ABCB5: variants seen among roughly 807,000 people sequenced by gnomAD.
The protein encoded by ABCB5 is ATP-binding cassette sub-family B member 5.
A neutral mutation model predicts 144.2 loss-of-function variants in ABCB5; 155 were observed. The observed-to-expected ratio is 1.08, with a 90% CI of 0.94 to 1.23. The LOEUF (loss-of-function observed/expected upper bound fraction) is 1.23. Among genes scored for constraint, ABCB5 ranks in the 50% most tolerant of loss-of-function variants. The pLI is 0.00. For missense variants in ABCB5, 1,830 were observed against 1,520.8 expected (o/e 1.20, Z -3.38); for synonymous variants, 610 against 528.6 (o/e 1.15, Z -2.11).
chr7:20,628,475 C>T (rs1783959253), intron 3 of ABCB5, among the ~76,000 whole-genome samples: 1 of 151,938 alleles, frequency 6.6e-6, no homozygotes, highest in Admixed American at 6.6e-5. Flanking sequence ...TTTTTAATGC[C>T]TTTAAAGGAG....
At chr7:20,661,681 C>T (rs1371105521) in intron 14 of ABCB5, among the ~76,000 whole-genome samples, 2 of 151,544 alleles carry the variant, frequency 1.3e-5, no homozygotes, top group Admixed American at 6.6e-5. Flanking sequence ...ATTACAGGCA[C>T]GCACCACCAC....
At chr7:20,730,278 G>C (rs1782165253) in intron 23 of ABCB5, among the ~76,000 whole-genome samples, 1 of 152,262 alleles carries the variant, frequency 6.6e-6, no homozygotes, top group African/African-American at 2.4e-5. Context: ...GGGAGTCCAA[G>C]GCAGGTGGAT....
chr7:20,626,854 G>GGTGGGTGTGT (rs1554278227), intron 3 of ABCB5, among the ~76,000 whole-genome samples: 1 of 143,670 alleles, frequency 7.0e-6, no homozygotes, highest in South Asian at 2.3e-4. Context: ...GTGTTTTTGG[G>GGTGGGTGTGT]GTGTGTGTGT....
chr7:20,715,934 G>A (rs1781661826), intron 20 of ABCB5, among the ~76,000 whole-genome samples: 1 of 151,710 alleles, frequency 6.6e-6, no homozygotes, highest in Admixed American at 6.6e-5. Flanking sequence ...TGGTCAGGCT[G>A]GTATCGAACT....
At position 20,728,587 on chromosome 7, in the gene ABCB5, C is replaced by A. The variant is rs1782113126; in HGVS notation, c.2867+132C>A. On this transcript the variant is annotated intron_variant, in intron 23 of 27. Transcript: ENST00000404938. The stretch of plus-strand genomic sequence containing the variant: ...TGACCAACATAATAAAACCCCATCT[C>A]TACTAAAAATACAAAAATTAGCTGG... 3.7e-6 allele frequency: 4 copies of A among 1,079,430 alleles called. No homozygotes were observed. In the South Asian group the frequency reaches 5.8e-5, roughly 16 times the overall value. 66.9% of individuals were successfully genotyped at this position (1,079,430 alleles called of 1,614,324 possible).
intron 5 of ABCB5, among the ~76,000 whole-genome samples, chr7:20,640,312 CTT>C (rs1784267148): frequency 6.6e-6 from 1 of 152,152 alleles, no homozygotes; most frequent in Non-Finnish European, 1.5e-5. Flanking sequence ...TGGTGACAAA[CTT>C]TTCGTCAACC....
rs555593601 is a variant in ABCB5, at chr7:20,699,690, G to C, written c.2155-135G>C. The C allele has an allele frequency of 6.6e-5, 38 of 575,634 alleles. No homozygotes were observed. The East Asian group carries it at 8.5e-4, about 13-fold the overall frequency. 35.7% of individuals were successfully genotyped at this position (575,634 alleles called of 1,614,324 possible). On this transcript the variant is annotated intron_variant, in intron 17 of 27. Coordinates refer to ENST00000404938, the MANE Select transcript of ABCB5 (RefSeq NM_001163941.2). The stretch of plus-strand genomic sequence containing the variant: ...ACACTGCACTCCAGCCTGGGCGACA[G>C]AGCAAGATTCTGTCTCATAAAAGAA...
intron 14 of ABCB5, among the ~76,000 whole-genome samples, chr7:20,663,294 A>T (rs1423112643): frequency 6.6e-6 from 1 of 152,248 alleles, no homozygotes; most frequent in Non-Finnish European, 1.5e-5. Flanking sequence ...TTGGTATACT[A>T]GTGTTCATAG....
In ABCB5 at chr7:20,755,722, C is replaced by A; in HGVS notation, c.*98C>A. Reference sequence around the variant, plus strand: ...CTTTGATCTCTTTTATTGCATATATCAATACCTAGAATCATGCTACTCAAG... The same window carrying A: ...CTTTGATCTCTTTTATTGCATATATAAATACCTAGAATCATGCTACTCAAG... On this transcript the variant is annotated 3_prime_UTR_variant, in exon 28 of 28. Coordinates refer to ENST00000404938, the MANE Select transcript of ABCB5 (RefSeq NM_001163941.2). 9.4e-7 allele frequency: 1 copy of A among 1,067,286 alleles called. No homozygotes were observed. Among genetic ancestry groups the A allele is most frequent in the Non-Finnish European group, 1.4e-6 (1 of 725,676 alleles). 66.1% of individuals were successfully genotyped at this position (1,067,286 alleles called of 1,614,324 possible). A position where few individuals can be genotyped will look rare whatever the true frequency, so the allele number is the denominator to read the frequency against.
At chr7:20,699,319 T>A (rs1021537453) in intron 17 of ABCB5, among the ~76,000 whole-genome samples, 1 of 152,228 alleles carries the variant, frequency 6.6e-6, no homozygotes, top group African/African-American at 2.4e-5. Context: ...AAGCAAGTTA[T>A]TTTTTATCAT....
intron 20 of ABCB5, among the ~76,000 whole-genome samples, chr7:20,720,535 T>TAAGATTCTTACCA (rs71020676): frequency 0.6 from 90,394 of 151,722 alleles, 27,224 homozygotes; most frequent in East Asian, 0.91. Flanking sequence ...ATCACTTCTC[T>TAAGATTCTTACCA]AAGATGCATA....
intron 14 of ABCB5, among the ~76,000 whole-genome samples, chr7:20,673,520 T>C (rs1210273202): frequency 6.6e-6 from 1 of 152,074 alleles, no homozygotes; most frequent in African/African-American, 2.4e-5. Context: ...AATAAACTTA[T>C]TTACTTTGGT....
chr7:20,640,343 C>T (rs1784268375), intron 5 of ABCB5, among the ~76,000 whole-genome samples: 1 of 152,144 alleles, frequency 6.6e-6, no homozygotes, highest in Admixed American at 6.5e-5. Context: ...CACAACCTCA[C>T]TTTATGTGTG....
In ABCB5 at chr7:20,648,030, G is replaced by A; in HGVS notation, c.1158G>A (p.Val386=). 1.9e-6 allele frequency: 3 copies of A among 1,611,828 alleles called. No individual in the cohort carries two copies. Among genetic ancestry groups the A allele is most frequent in the Non-Finnish European group, 8.5e-7 (1 of 1,178,428 alleles). Residue 386 remains valine (V), a synonymous_variant, in exon 11 of 28, where the codon GTG becomes GTA. Coordinates refer to ENST00000404938, the MANE Select transcript of ABCB5 (RefSeq NM_001163941.2). Reference sequence around the variant, plus strand: ...AACCTGAATCCATAGAAGGAACTGTGGAATTTAAAAATGTTTCTTTCAATT... The same window carrying A: ...AACCTGAATCCATAGAAGGAACTGTAGAATTTAAAAATGTTTCTTTCAATT... The part of the protein sequence containing the change: ...GYKPESIEGT[V]EFKNVSFNYP...
intron 27 of ABCB5, among the ~76,000 whole-genome samples, chr7:20,755,052 C>T (rs904600408): frequency 3.9e-5 from 6 of 152,076 alleles, no homozygotes; most frequent in Non-Finnish European, 8.8e-5. Flanking sequence ...CAGGGTCAAG[C>T]GATTGTCCTG....
At chr7:20,656,972 T>A (rs1174778210) in intron 13 of ABCB5, among the ~76,000 whole-genome samples, 1 of 147,006 alleles carries the variant, frequency 6.8e-6, no homozygotes, top group Non-Finnish European at 1.5e-5. Flanking sequence ...TGGAGTGCAA[T>A]GCACAATCTC....
chr7:20,702,624 C>T (rs1275337278), intron 19 of ABCB5, among the ~76,000 whole-genome samples: 1 of 150,380 alleles, frequency 6.6e-6, no homozygotes, highest in Non-Finnish European at 1.5e-5. Flanking sequence ...TCCATTGAGG[C>T]TAACTAAACA....
chr7:20,744,602 T>C (rs72581857), intron 25 of ABCB5, among the ~76,000 whole-genome samples: 10,070 of 146,708 alleles, frequency 0.069, 575 homozygotes, highest in East Asian at 0.34. Context: ...TCTGCTAAAA[T>C]ATAAGCTACA....
rs185100684 is a variant in ABCB5 at position 20,662,513 on chromosome 7, T to A, written c.1707+3837T>A. On this transcript the variant is annotated intron_variant, in intron 14 of 27. Coordinates refer to ENST00000404938, the MANE Select transcript of ABCB5 (RefSeq NM_001163941.2). ...CACACTAATGCACACACATTTTGAA[T>A]GTCTGTGTCAATTAAACATCTCACT... Among the ~76,000 whole-genome samples, 456 of 152,326 alleles carry A rather than the reference T, an allele frequency of 3.0e-3. 11 individuals are homozygous for A. The highest frequency in any genetic ancestry group is 0.027 in the Admixed American group (419 of 15,304).
Sources: allele counts gnomAD v4.1 joint callset (sites outside exome capture counted in the v4.1 genomes callset), GRCh38; gene constraint gnomAD v4.1.1; transcripts MANE v1.5; gene names NCBI Gene and HGNC (gene_info 2026-07-23, HGNC 2026-07-21).